KCNN2: variants seen among roughly 807,000 people sequenced by gnomAD.
KCNN2 encodes the protein small conductance calcium-activated potassium channel protein 2.
A neutral mutation model predicts 55.5 loss-of-function variants in KCNN2; 24 were observed. That is an observed-to-expected ratio of 0.43 (90% CI 0.31 to 0.61). The LOEUF (loss-of-function observed/expected upper bound fraction) is 0.61. Among genes scored for constraint, KCNN2 ranks in the 20% least tolerant of loss-of-function variants. The probability of loss-of-function intolerance (pLI) is 0.08; values close to 1 mark genes in which losing one functional copy is unlikely to be tolerated. For missense variants in KCNN2, 754 were observed against 853.6 expected (o/e 0.88, Z 1.45); for synonymous variants, 431 against 336.1 (o/e 1.28, Z -3.09).
At chr5:114,447,780 T>C (rs1386613662) in intron 3 of KCNN2, among the ~76,000 whole-genome samples, 1 of 152,238 alleles carries the variant, frequency 6.6e-6, no homozygotes, top group Admixed American at 6.5e-5. Flanking sequence ...ACAAGTGTAT[T>C]TTGATGAGCT....
intron 1 of KCNN2, among the ~76,000 whole-genome samples, chr5:114,180,583 A>G (rs1753219028): frequency 2.6e-5 from 4 of 152,192 alleles, no homozygotes; most frequent in African/African-American, 9.6e-5. Context: ...CTATTATTAT[A>G]TTAATGTCAA....
At chr5:114,118,649 C>T (rs956528808) in intron 1 of KCNN2, among the ~76,000 whole-genome samples, 1 of 151,962 alleles carries the variant, frequency 6.6e-6, no homozygotes, top group Non-Finnish European at 1.5e-5. Context: ...ATCAAGTATG[C>T]TGATTTGCAT....
intron 1 of KCNN2, among the ~76,000 whole-genome samples, chr5:114,196,222 A>C (rs149680281): frequency 0.03 from 4,533 of 152,034 alleles, 226 homozygotes; most frequent in African/African-American, 0.1. Flanking sequence ...TCCCACTTGG[A>C]AATGGTGTAT....
intron 2 of KCNN2, among the ~76,000 whole-genome samples, chr5:114,283,564 C>A (rs767529214): frequency 2.0e-5 from 3 of 152,062 alleles, no homozygotes; most frequent in Admixed American, 6.6e-5. Context: ...CTGATTTTGA[C>A]TATTGTCATC....
At chr5:114,168,834 A>C (rs1752972787) in intron 1 of KCNN2, among the ~76,000 whole-genome samples, 1 of 152,120 alleles carries the variant, frequency 6.6e-6, no homozygotes, top group South Asian at 2.1e-4. Context: ...CTCATTCACA[A>C]AAAGATTCCC....
At chr5:114,422,445 C>T (rs755746768) in intron 3 of KCNN2, among the ~76,000 whole-genome samples, 12 of 152,076 alleles carry the variant, frequency 7.9e-5, no homozygotes, top group African/African-American at 1.9e-4. Context: ...ACTGAATCTT[C>T]CTGTGAATTG....
rs551774780 is a variant in KCNN2 at position 114,239,879 on chromosome 5, T to C, written c.-185+18314T>C. Among the ~76,000 whole-genome samples the C allele has an allele frequency of 9.7e-4, 147 of 152,286 alleles. 2 individuals carry two copies. Among genetic ancestry groups the C allele is most frequent in the African/African-American group, 3.4e-3 (140 of 41,550 alleles). ...CCAAATAACAAATAACCAAAAGATA[T>C]ATTAGAAAGGCAATTAGAATCTAAA... On this transcript the variant is annotated intron_variant, in intron 2 of 10. Coordinates refer to the KCNN2 transcript ENST00000512097.
At chr5:114,135,694 A>G (rs1752159843) in intron 1 of KCNN2, among the ~76,000 whole-genome samples, 1 of 152,238 alleles carries the variant, frequency 6.6e-6, no homozygotes, top group Non-Finnish European at 1.5e-5. Flanking sequence ...ACATCTGAGG[A>G]AATGTCGAAT....
intron 1 of KCNN2, among the ~76,000 whole-genome samples, chr5:114,173,189 C>G (rs1753071077): frequency 6.6e-6 from 1 of 151,974 alleles, no homozygotes; most frequent in African/African-American, 2.4e-5. Context: ...AAGAAACTGT[C>G]TTTTCCCCAA....
chr5:114,062,626 G>T (rs1444917787), intron 1 of KCNN2, among the ~76,000 whole-genome samples: 3 of 152,176 alleles, frequency 2.0e-5, no homozygotes, highest in Non-Finnish European at 2.9e-5. Flanking sequence ...TGTCCTATAT[G>T]CAGGGAGAAC....
At chr5:114,261,811 C>A (rs1343514287) in intron 2 of KCNN2, among the ~76,000 whole-genome samples, 2 of 152,164 alleles carry the variant, frequency 1.3e-5, no homozygotes, top group Non-Finnish European at 2.9e-5. Context: ...GACTGGCAGG[C>A]TAAGGCTGGT....
chr5:114,173,282 G>A (rs930425330), intron 1 of KCNN2, among the ~76,000 whole-genome samples: 1 of 151,978 alleles, frequency 6.6e-6, no homozygotes, highest in Non-Finnish European at 1.5e-5. Context: ...CGGTTCCATT[G>A]ATCTATGTGT....
At chr5:114,338,634 C>T (rs1398898719) in intron 2 of KCNN2, among the ~76,000 whole-genome samples, 1 of 152,144 alleles carries the variant, frequency 6.6e-6, no homozygotes, top group Non-Finnish European at 1.5e-5. Context: ...GGTTAGATAC[C>T]AGAATCAGCC....
intron 3 of KCNN2, among the ~76,000 whole-genome samples, chr5:114,462,199 C>T (rs532245132): frequency 5.3e-5 from 8 of 152,270 alleles, no homozygotes; most frequent in South Asian, 2.1e-4. Flanking sequence ...GTCCACATCA[C>T]GGGCACAGAG....
At chr5:114,205,818 A>T (rs1335450436) in intron 1 of KCNN2, among the ~76,000 whole-genome samples, 1 of 152,234 alleles carries the variant, frequency 6.6e-6, no homozygotes, top group Non-Finnish European at 1.5e-5. Context: ...TTAGCATATT[A>T]AAAACCATAA....
intron 5 of KCNN2, among the ~76,000 whole-genome samples, chr5:114,480,805 A>C (rs1762190583): frequency 6.6e-6 from 1 of 152,210 alleles, no homozygotes; most frequent in Admixed American, 6.5e-5. Flanking sequence ...GGCCATCAAA[A>C]AAATTCAACA....
At chr5:114,139,497 C>T (rs1222517507) in intron 1 of KCNN2, among the ~76,000 whole-genome samples, 3 of 146,332 alleles carry the variant, frequency 2.1e-5, no homozygotes, top group Non-Finnish European at 4.5e-5. Flanking sequence ...GAAAATATAT[C>T]CATAATTCAC....
chr5:114,390,754 C>CA (rs1758428363), intron 2 of KCNN2, among the ~76,000 whole-genome samples: 1 of 151,912 alleles, frequency 6.6e-6, no homozygotes, highest in African/African-American at 2.4e-5. Context: ...TTGAGAGAAC[C>CA]AAAAAGGGTA....
intron 2 of KCNN2, among the ~76,000 whole-genome samples, chr5:114,296,868 A>G (rs1717455428): frequency 6.6e-6 from 1 of 152,344 alleles, no homozygotes; most frequent in Admixed American, 6.5e-5. Context: ...TCATGTATAT[A>G]TTCTTCACTG....
Sources: allele counts gnomAD v4.1 joint callset (sites outside exome capture counted in the v4.1 genomes callset), GRCh38; gene constraint gnomAD v4.1.1; transcripts MANE v1.5; gene names NCBI Gene and HGNC (gene_info 2026-07-23, HGNC 2026-07-21).